Variants in DBX2 observed in about 807,000 individuals in gnomAD.
DBX2 encodes developing brain homeobox 2.
Under a neutral mutation model 17.7 loss-of-function variants are expected in DBX2, and 16 were observed. The ratio of observed to expected loss-of-function variants is 0.90; its 90% CI spans 0.61 to 1.37. The LOEUF (loss-of-function observed/expected upper bound fraction) is 1.37, where lower values mean the gene tolerates loss of function less well. Ranked by LOEUF, DBX2 falls within the 40% of genes most tolerant of loss-of-function variation. The pLI, the probability that DBX2 is intolerant of heterozygous loss-of-function variation, is 0.00. For missense variants in DBX2, 538 were observed against 433.8 expected (o/e 1.24, Z -2.13); for synonymous variants, 255 against 183.8 (o/e 1.39, Z -3.13).
chr12:45,047,110 T>C (rs936161347), intron 1 of DBX2, among the ~76,000 whole-genome samples: 37 of 152,202 alleles, frequency 2.4e-4, no homozygotes, highest in African/African-American at 7.5e-4. Flanking sequence ...TAACCACCAA[T>C]TGGAAAACTG....
At chr12:45,038,401 A>C (rs1946451670) in intron 1 of DBX2, among the ~76,000 whole-genome samples, 1 of 151,754 alleles carries the variant, frequency 6.6e-6, no homozygotes, top group Non-Finnish European at 1.5e-5. Context: ...GAAACAGAAA[A>C]CAAAAAAAAA....
At position 45,035,996 on chromosome 12, in the gene DBX2, G is replaced by A. The variant is rs1186647272; in HGVS notation, c.499+23C>T. 4 of 1,602,264 alleles carry A rather than the reference G, an allele frequency of 2.5e-6. 1 individual carries two copies. The African/African-American group carries it at 5.4e-5, about 21-fold the overall frequency. On this transcript the variant is annotated intron_variant, in intron 2 of 3. Transcript: ENST00000332700. ...TGGTTTACAGAATAACTGAGGCATTGCTGATGAAGGATAAAAACTTACTTG... is the reference window on the plus strand; with the variant it reads ...TGGTTTACAGAATAACTGAGGCATTACTGATGAAGGATAAAAACTTACTTG...
intron 1 of DBX2, among the ~76,000 whole-genome samples, chr12:45,042,658 T>C (rs1045005352): frequency 1.3e-5 from 2 of 152,210 alleles, no homozygotes; most frequent in African/African-American, 2.4e-5. Flanking sequence ...CCTCAATAGC[T>C]TGGTGACATG....
At position 45,023,871 on chromosome 12, in the gene DBX2, G is replaced by A. The variant is rs1223368579; in HGVS notation, c.523C>T (p.Leu175=). The change falls in exon 3 of 4, where the codon CTG becomes TTG. Residue 175 remains leucine, a synonymous_variant. Coordinates refer to ENST00000332700, the MANE Select transcript of DBX2 (RefSeq NM_001004329.3). The stretch of plus-strand genomic sequence containing the variant: ...GCTTTGGAATTAGAGTCCTGTGTCA[G>A]GAGAGGCAGCATGCTCTCTTCTCCT... The part of the protein sequence containing the change: ...FPREESMLPL[L]TQDSNSKARR... 6.3e-7 allele frequency: 1 copy of A among 1,580,798 alleles called. No individual in the cohort carries two copies. The highest frequency in any genetic ancestry group is 1.2e-5 in the South Asian group (1 of 84,016).
chr12:45,033,508 T>C (rs1277571502), intron 2 of DBX2, among the ~76,000 whole-genome samples: 1 of 152,160 alleles, frequency 6.6e-6, no homozygotes, highest in Admixed American at 6.5e-5. Context: ...TTAAAGAAGA[T>C]TATTGTACAG....
rs759399319 is a variant in DBX2, at chr12:45,016,513, G to A, written c.793C>T (p.Leu265Phe). The part of the protein sequence containing the change: ...IQEVGLQEDP[L>F]SRSALGFPSP... ...GGGAAACCCAGAGCAGACCGTGAGA[G>A]GGGATCCTCTTGAAGACCTACTTCT... Residue 265 changes from leucine to phenylalanine, a missense_variant, in exon 4 of 4, where the codon CTC (leucine) becomes TTC (phenylalanine). By Grantham distance (22) the Leu-to-Phe change is conservative. Coordinates refer to ENST00000332700, the MANE Select transcript of DBX2 (RefSeq NM_001004329.3). 8.7e-6 allele frequency: 14 copies of A among 1,612,948 alleles called. No homozygotes were observed. In the Admixed American group the frequency reaches 1.3e-4, roughly 15 times the overall value.
intron 1 of DBX2, among the ~76,000 whole-genome samples, chr12:45,045,018 GGCAA>G: frequency 2.6e-5 from 4 of 151,954 alleles, no homozygotes; most frequent in African/African-American, 9.7e-5. Context: ...TATATGTTAA[GGCAA>G]AAATCCAATT....
Position 45,043,298 on chromosome 12 carries a change from C to T in DBX2, c.404-7184G>A, listed in dbSNP as rs1352133752. The stretch of plus-strand genomic sequence containing the variant: ...TAACCAAGAGACATGGCAGATATGA[C>T]ACTCTGAAACTTCTGCAACTAAGTC... On this transcript the variant is annotated intron_variant, in intron 1 of 3. Coordinates refer to ENST00000332700, the MANE Select transcript of DBX2 (RefSeq NM_001004329.3). Among the ~76,000 whole-genome samples, 3 of 152,188 alleles carry T rather than the reference C, an allele frequency of 2.0e-5. No homozygotes were observed. The East Asian group carries it at 5.8e-4, about 29-fold the overall frequency.
intron 2 of DBX2, among the ~76,000 whole-genome samples, chr12:45,025,652 G>A (rs984487385): frequency 1.3e-5 from 2 of 151,088 alleles, no homozygotes; most frequent in East Asian, 2.0e-4. Context: ...ATAGCACCAG[G>A]AAGGCAGCTA....
At chr12:45,039,546 T>G (rs1424517818) in intron 1 of DBX2, among the ~76,000 whole-genome samples, 1 of 151,732 alleles carries the variant, frequency 6.6e-6, no homozygotes, top group Non-Finnish European at 1.5e-5. Context: ...CTTAATCATT[T>G]ATCATGTTAG....
intron 2 of DBX2, among the ~76,000 whole-genome samples, chr12:45,027,331 A>G: frequency 6.6e-6 from 1 of 152,242 alleles, no homozygotes; most frequent in East Asian, 1.9e-4. Context: ...CAGAGCAGTC[A>G]AGGTCCAAAG....
In DBX2 at chr12:45,050,773, G is replaced by A; in HGVS notation, c.155C>T (p.Pro52Leu). Residue 52 changes from proline (P) to leucine (L), a missense_variant, in exon 1 of 4, where the codon CCC becomes CTC. Pro to Leu is a moderately conservative substitution (Grantham distance 98, BLOSUM62 -3). Transcript: ENST00000332700. ...NLLRVGGAPTPRLQPPAPHDP... is the reference protein window; with the variant it reads ...NLLRVGGAPTLRLQPPAPHDP... ...GTGGGGCGCGGGCGGCTGCAGCCTGGGCGTTGGGGCGCCCCCGACCCGCAG... is the reference window on the plus strand; with the variant it reads ...GTGGGGCGCGGGCGGCTGCAGCCTGAGCGTTGGGGCGCCCCCGACCCGCAG... 1 of 1,513,504 alleles carries A rather than the reference G, an allele frequency of 6.6e-7. No homozygotes were observed. The highest frequency in any genetic ancestry group is 2.7e-5 in the East Asian group (1 of 36,442). The allele number at this position is 1,513,504 out of a possible 1,614,324, so 93.8% of individuals were successfully genotyped here. A position where few individuals can be genotyped will look rare whatever the true frequency, so the allele number is the denominator to read the frequency against.
Position 45,016,175 on chromosome 12 carries a change from G to A in DBX2, c.*111C>T, listed in dbSNP as rs920590598. On this transcript the variant is annotated 3_prime_UTR_variant, in exon 4 of 4. Coordinates refer to ENST00000332700, the MANE Select transcript of DBX2 (RefSeq NM_001004329.3). ...TTCCTAAAGCATTAGTTCATACATC[G>A]CTCCAAAGTTGTTAGGCTCTAAGCA... 6.0e-6 allele frequency: 7 copies of A among 1,167,290 alleles called. No individual in the cohort carries two copies. Among genetic ancestry groups the A allele is most frequent in the Non-Finnish European group, 8.2e-6 (7 of 854,868 alleles). The allele number at this position is 1,167,290 out of a possible 1,614,324, so 72.3% of individuals were successfully genotyped here.
At position 45,050,862 on chromosome 12, in the gene DBX2, G is replaced by A. The variant is rs1411765868; in HGVS notation, c.66C>T (p.Leu22=). ...AGCCGGGCGCAGCGGGGAGGTTGAG[G>A]AGCGCGGAGGAAGCCACAACGTCCC... ...AYWDVVASSA[L]LNLPAAPGFG... is the part of the protein sequence containing the mutation. Residue 22 remains leucine (L), a synonymous_variant, in exon 1 of 4, where the codon CTC becomes CTT. Transcript: ENST00000332700. 1.3e-6 allele frequency: 2 copies of A among 1,536,200 alleles called. No individual in the cohort carries two copies. Among genetic ancestry groups the A allele is most frequent in the East Asian group, 2.6e-5 (1 of 38,580 alleles).
At chr12:45,018,382 T>TTTGGG (rs1471131287) in intron 3 of DBX2, among the ~76,000 whole-genome samples, 1 of 152,136 alleles carries the variant, frequency 6.6e-6, no homozygotes, top group East Asian at 1.9e-4. Flanking sequence ...TCAATGGTGT[T>TTTGGG]GAGACAAATG....
At chr12:45,042,414 G>A (rs1051942271) in intron 1 of DBX2, among the ~76,000 whole-genome samples, 4 of 152,182 alleles carry the variant, frequency 2.6e-5, no homozygotes, top group Non-Finnish European at 1.5e-5. Context: ...CAAAAGAAGA[G>A]AATGAAACCA....
chr12:45,043,923 AAG>A (rs760969515), intron 1 of DBX2, among the ~76,000 whole-genome samples: 1 of 152,180 alleles, frequency 6.6e-6, no homozygotes, highest in Non-Finnish European at 1.5e-5. Context: ...GAAATGAGGA[AAG>A]AGAGGCTCTG....
At chr12:45,019,860 T>C (rs1375824991) in intron 3 of DBX2, among the ~76,000 whole-genome samples, 1 of 152,120 alleles carries the variant, frequency 6.6e-6, no homozygotes, top group Non-Finnish European at 1.5e-5. Flanking sequence ...ATGCCCACCA[T>C]CGGTAAATGG....
At chr12:45,024,958 C>T (rs1177242431) in intron 2 of DBX2, among the ~76,000 whole-genome samples, 1 of 152,198 alleles carries the variant, frequency 6.6e-6, no homozygotes, top group Non-Finnish European at 1.5e-5. Context: ...GTGCCTAGCA[C>T]AATACTGGTT....
Sources: allele counts gnomAD v4.1 joint callset (sites outside exome capture counted in the v4.1 genomes callset), GRCh38; gene constraint gnomAD v4.1.1; transcripts MANE v1.5; gene names NCBI Gene and HGNC (gene_info 2026-07-23, HGNC 2026-07-21).